The following CDYL variants were observed in gnomAD, a reference collection of about 807,000 sequenced individuals.
CDYL encodes chromodomain Y like.
CDYL carries 8 observed loss-of-function variants against 47.3 expected under a neutral mutation model. The observed-to-expected ratio is 0.17, with a 90% CI of 0.10 to 0.31. The LOEUF (loss-of-function observed/expected upper bound fraction) is 0.31. Among genes scored for constraint, CDYL ranks in the 10% least tolerant of loss-of-function variants. The pLI is 1.00. For missense variants in CDYL, 471 were observed against 701.4 expected, an observed-to-expected ratio of 0.67 and a Z score of 3.71; for synonymous variants, 266 against 265.0, an observed-to-expected ratio of 1.00 and a Z score of -0.04.
rs531213219 is a variant in CDYL, at chr6:4,785,872, C to T, written c.24+9065C>T. Reference sequence around the variant, plus strand: ...CGTTAATAAGTTTGTTCATGAAGTTCGCTGAAGAGGGTAGCTGGTGATGGC... The same window carrying T: ...CGTTAATAAGTTTGTTCATGAAGTTTGCTGAAGAGGGTAGCTGGTGATGGC... On this transcript the variant is annotated intron_variant, in intron 1 of 6. Transcript: ENST00000397588. Among the ~76,000 whole-genome samples the T allele has an allele frequency of 2.0e-5, 3 of 152,320 alleles. No individual in the cohort carries two copies. In the East Asian group the frequency reaches 5.8e-4, roughly 29 times the overall value.
intron 3 of CDYL, among the ~76,000 whole-genome samples, chr6:4,735,217 T>C (rs1240921996): frequency 6.6e-6 from 1 of 151,170 alleles, no homozygotes; most frequent in Admixed American, 6.6e-5. Context: ...ACCCGGGAGA[T>C]GGAGGTTGCG....
intron 3 of CDYL, among the ~76,000 whole-genome samples, chr6:4,759,041 C>G (rs1758127198): frequency 6.7e-6 from 1 of 148,898 alleles, no homozygotes; most frequent in Non-Finnish European, 1.5e-5. Context: ...GATCTCGGCT[C>G]ACTGCAAACT....
intron 1 of CDYL, among the ~76,000 whole-genome samples, chr6:4,838,142 T>C (rs935899906): frequency 6.6e-6 from 1 of 152,180 alleles, no homozygotes; most frequent in Non-Finnish European, 1.5e-5. Flanking sequence ...TTTAAAAGTT[T>C]TTCGGTATGT....
At chr6:4,772,821 A>C (rs1415192332), upstream of CDYL, 1 of 289,734 alleles carries the variant, frequency 3.5e-6, no homozygotes, top group East Asian at 8.8e-5. Flanking sequence ...GTAGCTTTTC[A>C]CAGCTACCCA....
intron 1 of CDYL, among the ~76,000 whole-genome samples, chr6:4,862,838 A>G (rs750353023): frequency 3.3e-5 from 5 of 152,158 alleles, no homozygotes; most frequent in Admixed American, 6.5e-5. Context: ...TGACCCAGCA[A>G]TCCCTCTACT....
At chr6:4,771,995 T>A (rs1758344561), upstream of CDYL, among the ~76,000 whole-genome samples, 1 of 152,250 alleles carries the variant, frequency 6.6e-6, no homozygotes, top group Admixed American at 6.5e-5. Context: ...TTCCTTGCTC[T>A]TGCTCATTAC....
intron 1 of CDYL, chr6:4,714,169 A>G (rs1371195300): frequency 2.6e-5 from 4 of 151,650 alleles, no homozygotes; most frequent in African/African-American, 9.7e-5. Context: ...CGTGTGTTGG[A>G]TAGACTGACT....
chr6:4,870,107 C>T (rs1237222141), intron 1 of CDYL, among the ~76,000 whole-genome samples: 1 of 151,988 alleles, frequency 6.6e-6, no homozygotes, highest in Non-Finnish European at 1.5e-5. Context: ...ATCTTTTGCA[C>T]AGGCTGGAGT....
intron 1 of CDYL, among the ~76,000 whole-genome samples, chr6:4,884,096 C>G (rs530819368): frequency 6.6e-6 from 1 of 152,306 alleles, no homozygotes; most frequent in Non-Finnish European, 1.5e-5. Context: ...ATAAAAGCAT[C>G]TGGAAGCATT....
chr6:4,808,497 C>A (rs982365900), intron 1 of CDYL, among the ~76,000 whole-genome samples: 2 of 152,356 alleles, frequency 1.3e-5, no homozygotes, highest in Non-Finnish European at 2.9e-5. Context: ...AATTTGCTAA[C>A]CCAAATCCCT....
At chr6:4,868,828 T>TCTTGAAATACTGAAATA (rs758190957) in intron 1 of CDYL, among the ~76,000 whole-genome samples, 2 of 152,218 alleles carry the variant, frequency 1.3e-5, no homozygotes, top group African/African-American at 2.4e-5. Flanking sequence ...AGTTATTACA[T>TCTTGAAATACTGAAATA]CTTGAAATAC....
intron 1 of CDYL, chr6:4,714,948 G>A (rs1195936541): frequency 6.6e-6 from 1 of 152,160 alleles, no homozygotes; most frequent in Non-Finnish European, 1.5e-5. Context: ...ATTTATATGT[G>A]ACTTTTTCAC....
rs2063674 is a variant in CDYL at position 4,790,099 on chromosome 6, A to G, written c.24+13292A>G. Among the ~76,000 whole-genome samples the G allele has an allele frequency of 7.7e-3, 1,174 of 152,328 alleles. 19 individuals are homozygous for G. Among genetic ancestry groups the G allele is most frequent in the African/African-American group, 0.027 (1,126 of 41,562 alleles). On this transcript the variant is annotated intron_variant, in intron 1 of 6. Coordinates refer to ENST00000397588, the MANE Select transcript of CDYL (RefSeq NM_004824.4). ...TAATGATAAAAAGCAACAAGCATATAGGAAGATTTGCTGTTCTCCTCAGTT... is the reference window on the plus strand; with the variant it reads ...TAATGATAAAAAGCAACAAGCATATGGGAAGATTTGCTGTTCTCCTCAGTT...
chr6:4,806,030 G>T (rs1759359957), intron 1 of CDYL, among the ~76,000 whole-genome samples: 1 of 152,248 alleles, frequency 6.6e-6, no homozygotes, highest in African/African-American at 2.4e-5. Context: ...GGAGCTGAGA[G>T]CAGCGCAGCC....
intron 1 of CDYL, among the ~76,000 whole-genome samples, chr6:4,711,218 T>C (rs1757147396): frequency 6.6e-6 from 1 of 152,086 alleles, no homozygotes; most frequent in Non-Finnish European, 1.5e-5. Context: ...TGTGGAGACA[T>C]GGTTTGCTAA....
chr6:4,815,203 C>G (rs972522234), intron 1 of CDYL, among the ~76,000 whole-genome samples: 7 of 152,076 alleles, frequency 4.6e-5, no homozygotes, highest in African/African-American at 1.7e-4. Flanking sequence ...CAGAATATGC[C>G]TGAATATGTA....
rs146548277 is a variant in CDYL at position 4,715,839 on chromosome 6, T to C, written c.61T>C (p.Tyr21His). ...AAAAAGCAGGAAGAAAAACTGGCAA[T>C]ACGAGGGCCCAACCCAAAAGTTATT... is the stretch of plus-strand genomic sequence containing the variant. Residue 21 changes from tyrosine to histidine, a missense_variant, in exon 2 of 9, where the codon TAC becomes CAC. Physicochemically the swap from Tyr to His is moderately conservative, Grantham distance 83 (BLOSUM62 2). Coordinates refer to the CDYL transcript ENST00000328908. 1.2e-4 allele frequency: 186 copies of C among 1,614,136 alleles called. 1 individual carries two copies. In the African/African-American group the frequency reaches 2.2e-3, roughly 19 times the overall value.
chr6:4,950,167 C>T (rs1405981818), intron 5 of CDYL, among the ~76,000 whole-genome samples: 1 of 152,122 alleles, frequency 6.6e-6, no homozygotes, highest in South Asian at 2.1e-4. Context: ...AAGTTGACCT[C>T]CAGGTGGCAG....
intron 1 of CDYL, among the ~76,000 whole-genome samples, chr6:4,878,457 A>G (rs1442480359): frequency 1.3e-5 from 2 of 151,866 alleles, no homozygotes; most frequent in East Asian, 3.8e-4. Flanking sequence ...ATACAATTTT[A>G]TATGTGTAAA....
Sources: allele counts gnomAD v4.1 joint callset (sites outside exome capture counted in the v4.1 genomes callset), GRCh38; gene constraint gnomAD v4.1.1; transcripts MANE v1.5; gene names NCBI Gene and HGNC (gene_info 2026-07-23, HGNC 2026-07-21).